The following COG5 variants were observed in gnomAD, a reference collection of about 807,000 sequenced individuals.
COG5 encodes the protein component of oligomeric golgi complex 5.
COG5 carries 86 observed loss-of-function variants against 110.4 expected under a neutral mutation model. That is an observed-to-expected ratio of 0.78 (90% CI 0.65 to 0.93). The LOEUF is 0.93. Among genes scored for constraint, COG5 ranks in the 40% least tolerant of loss-of-function variants. COG5 has a pLI of 0.00. For synonymous variants in COG5, 360 were observed against 334.6 expected (o/e 1.08, Z -0.83); for missense variants, 1,077 against 987.0 (o/e 1.09, Z -1.22).
intron 6 of COG5, among the ~76,000 whole-genome samples, chr7:107,478,405 C>T (rs1797116236): frequency 6.6e-6 from 1 of 151,800 alleles, no homozygotes; most frequent in Non-Finnish European, 1.5e-5. Flanking sequence ...CAGTAGTCTC[C>T]CCTTATCCAT....
intron 18 of COG5, 34 bp from the exon 19 acceptor site, chr7:107,230,725 G>A (rs781242011): frequency 1.3e-6 from 2 of 1,495,278 alleles, no homozygotes; most frequent in Non-Finnish European, 1.9e-6. Context: ...TTGTTGTAAT[G>A]TCAGAATCAT....
In COG5 at chr7:107,281,345, A is replaced by G; in HGVS notation, c.1530T>C (p.Asn510=). 6.2e-7 allele frequency: 1 copy of G among 1,613,544 alleles called. No homozygotes were observed. The highest frequency in any genetic ancestry group is 1.1e-5 in the South Asian group (1 of 91,076). ...DTNLTLAVSK[N]VAKTIQLYSV... ...TGTATAACTGGATGGTCTTTGCCACATTTTTTGACACAGCTAATGTGAGGT... is the reference window on the plus strand; with the variant it reads ...TGTATAACTGGATGGTCTTTGCCACGTTTTTTGACACAGCTAATGTGAGGT... The change falls in exon 14 of 22, where the codon AAT becomes AAC. Residue 510 remains asparagine (N), a synonymous_variant. Transcript: ENST00000297135.
At chr7:107,439,226 C>T (rs545442844) in intron 6 of COG5, among the ~76,000 whole-genome samples, 20 of 152,152 alleles carry the variant, frequency 1.3e-4, no homozygotes, top group South Asian at 4.2e-4. Context: ...CCCTTCTCTA[C>T]GCAATCATTC....
At chr7:107,490,545 G>A (rs886123788) in intron 6 of COG5, among the ~76,000 whole-genome samples, 5 of 152,064 alleles carry the variant, frequency 3.3e-5, no homozygotes, top group Admixed American at 6.6e-5. Context: ...TGATCCAAGT[G>A]TGTGACATCA....
intron 7 of COG5, among the ~76,000 whole-genome samples, chr7:107,389,752 C>T (rs1348595987): frequency 6.6e-6 from 1 of 152,076 alleles, no homozygotes; most frequent in Non-Finnish European, 1.5e-5. Context: ...ATGATTTGGG[C>T]CGATGGGGGG....
chr7:107,469,759 T>C (rs1796519203), intron 6 of COG5, among the ~76,000 whole-genome samples: 3 of 152,128 alleles, frequency 2.0e-5, no homozygotes, highest in Admixed American at 6.6e-5. Flanking sequence ...TACTATGTAA[T>C]TCTTTCCTGT....
intron 17 of COG5, among the ~76,000 whole-genome samples, chr7:107,237,389 G>A (rs1801280443): frequency 6.6e-6 from 1 of 152,208 alleles, no homozygotes; most frequent in South Asian, 2.1e-4. Flanking sequence ...TTATAGGAAA[G>A]AGATATACCA....
At chr7:107,353,980 T>C (rs1812401633) in intron 10 of COG5, among the ~76,000 whole-genome samples, 1 of 152,248 alleles carries the variant, frequency 6.6e-6, no homozygotes, top group South Asian at 2.1e-4. Context: ...TTTGGAGGAT[T>C]ACATTGAAAA....
intron 11 of COG5, among the ~76,000 whole-genome samples, chr7:107,323,876 G>C (rs545053286): frequency 1.3e-5 from 2 of 152,212 alleles, no homozygotes; most frequent in African/African-American, 2.4e-5. Context: ...AAACACACGC[G>C]TAAGATATTA....
At chr7:107,363,977 G>A (rs1351315199) in intron 8 of COG5, among the ~76,000 whole-genome samples, 1 of 151,272 alleles carries the variant, frequency 6.6e-6, no homozygotes, top group Non-Finnish European at 1.5e-5. Context: ...AAAAGTTATT[G>A]AGAACAAGAT....
intron 6 of COG5, among the ~76,000 whole-genome samples, chr7:107,426,281 T>C (rs955744711): frequency 2.0e-5 from 3 of 152,204 alleles, no homozygotes; most frequent in Admixed American, 6.5e-5. Flanking sequence ...TTAATACATT[T>C]ATCTGCTCCA....
At chr7:107,442,590 A>C (rs1794780057) in intron 6 of COG5, among the ~76,000 whole-genome samples, 1 of 150,928 alleles carries the variant, frequency 6.6e-6, no homozygotes, top group Admixed American at 6.6e-5. Context: ...GCCTCTGGCT[A>C]CATGTTACCT....
At chr7:107,357,763 G>C (rs1192504186) in intron 10 of COG5, among the ~76,000 whole-genome samples, 1 of 152,056 alleles carries the variant, frequency 6.6e-6, no homozygotes, top group Admixed American at 6.6e-5. Context: ...TGAACTCCTA[G>C]GCTCAAGCAA....
At chr7:107,538,594 A>G (rs945903573) in intron 5 of COG5, among the ~76,000 whole-genome samples, 2 of 152,184 alleles carry the variant, frequency 1.3e-5, no homozygotes, top group African/African-American at 4.8e-5. Context: ...AGATGGCAGT[A>G]TTAAAAAAAA....
rs1562949825 is a variant in COG5 at position 107,283,575 on chromosome 7, C to T, written c.1471G>A (p.Ala491Thr). 1 of 1,613,644 alleles carries T rather than the reference C, an allele frequency of 6.2e-7. No individual in the cohort carries two copies. Among genetic ancestry groups the T allele is most frequent in the East Asian group, 2.2e-5 (1 of 44,856 alleles). ...CACTATATAAAAAATACATACCTTG[C>T]TATAGTTTTAATAATACCATCAAGT... ...DELDGIIKTI[A>T]SELNVAAVDT... is the part of the protein sequence containing the mutation. Residue 491 changes from alanine (A) to threonine (T), a missense_variant, in exon 13 of 22, where the codon GCA (alanine) becomes ACA (threonine). Physicochemically the swap from Ala to Thr is moderately conservative, Grantham distance 58 (BLOSUM62 0). Transcript: ENST00000297135.
intron 18 of COG5, among the ~76,000 whole-genome samples, chr7:107,232,850 T>C (rs570688388): frequency 6.6e-6 from 1 of 152,140 alleles, no homozygotes; most frequent in South Asian, 2.1e-4. Flanking sequence ...CAGCCCCCGT[T>C]TGGAGAGAAT....
intron 6 of COG5, chr7:107,470,488 G>A (rs1169526876): frequency 6.6e-6 from 1 of 151,996 alleles, no homozygotes; most frequent in East Asian, 1.9e-4. Flanking sequence ...CTTTTGAACC[G>A]GCATAGTGGG....
intron 5 of COG5, among the ~76,000 whole-genome samples, chr7:107,530,068 A>G (rs1306527516): frequency 1.4e-4 from 22 of 152,230 alleles, no homozygotes; most frequent in Non-Finnish European, 2.9e-4. Flanking sequence ...AACAAAGGGT[A>G]TGCTCTCAAA....
At chr7:107,237,645 T>A (rs1193416638) in intron 17 of COG5, among the ~76,000 whole-genome samples, 2 of 152,332 alleles carry the variant, frequency 1.3e-5, no homozygotes, top group Admixed American at 1.3e-4. Flanking sequence ...TCCGTCACTT[T>A]CAGAAGCAGA....
Sources: allele counts gnomAD v4.1 joint callset (sites outside exome capture counted in the v4.1 genomes callset), GRCh38; gene constraint gnomAD v4.1.1; transcripts MANE v1.5; gene names NCBI Gene and HGNC (gene_info 2026-07-23, HGNC 2026-07-21).